Variants in TNIP1 observed in about 807,000 individuals in gnomAD.
The protein encoded by TNIP1 is TNFAIP3-interacting protein 1.
In TNIP1, 22 loss-of-function variants were observed where a neutral mutation model predicts 86.6. The ratio of observed to expected loss-of-function variants is 0.25; its 90% CI spans 0.18 to 0.36. TNIP1 has a LOEUF of 0.36. Among genes scored for constraint, TNIP1 ranks in the 10% least tolerant of loss-of-function variants. TNIP1 has a pLI of 1.00. For missense variants in TNIP1, 709 were observed against 820.6 expected, an observed-to-expected ratio of 0.86 and a Z score of 1.66; for synonymous variants, 294 against 313.0, an observed-to-expected ratio of 0.94 and a Z score of 0.64.
At chr5:151,079,549 G>A (rs1763765969) in intron 1 of TNIP1, among the ~76,000 whole-genome samples, 1 of 151,850 alleles carries the variant, frequency 6.6e-6, no homozygotes, top group South Asian at 2.1e-4. Flanking sequence ...GCTTGAACCT[G>A]GGAGGCAAGT....
rs765510844 is a variant in TNIP1 at position 151,060,329 on chromosome 5, C to A, written c.424G>T (p.Ala142Ser). The A allele has an allele frequency of 6.2e-7, 1 of 1,614,132 alleles. No individual in the cohort carries two copies. Among genetic ancestry groups the A allele is most frequent in the Non-Finnish European group, 8.5e-7 (1 of 1,180,036 alleles). ...EQNSPESSSH[A>S]NAMALGPLPR... ...GCCCGTCCACTCACCATCGCATTGG[C>A]ATGGCTGCTGCTCTCTGGTGAATTC... Residue 142 changes from alanine (A) to serine (S), a missense_variant, in exon 5 of 18, where the codon GCC (alanine) becomes TCC (serine). Ala to Ser is a moderately conservative substitution (Grantham distance 99, BLOSUM62 1). Transcript: ENST00000521591.
rs760868810 is a variant in TNIP1, at chr5:151,059,828, AGT to A, written c.435+488_435+489del. Among the ~76,000 whole-genome samples the A allele has an allele frequency of 2.6e-3, 146 of 56,326 alleles. 1 individual carries two copies. The highest frequency in any genetic ancestry group is 0.011 in the Middle Eastern group (1 of 92). The allele number at this position is 56,326 out of a possible 152,430, so 37.0% of individuals were successfully genotyped here. On this transcript the variant is annotated intron_variant, in intron 5 of 17. Coordinates refer to ENST00000521591, the MANE Select transcript of TNIP1 (RefSeq NM_006058.5). ...GAGAGAGAGAGAGAGAGAGAGAGAG[AGT>A]GTGTGTGTGTGTGTGTGTGTGTGTG...
At chr5:151,052,795 T>G (rs753243182) in intron 6 of TNIP1, among the ~76,000 whole-genome samples, 28 of 152,336 alleles carry the variant, frequency 1.8e-4, no homozygotes, top group Admixed American at 5.9e-4. Flanking sequence ...AATTAATTCC[T>G]GAGCTCCCGG....
At chr5:151,083,834 G>A (rs925772369), upstream of TNIP1, among the ~76,000 whole-genome samples, 3 of 152,108 alleles carry the variant, frequency 2.0e-5, no homozygotes, top group Admixed American at 6.5e-5. Flanking sequence ...CCAGAAGAGG[G>A]GTGGAGGCTG....
intron 9 of TNIP1, 93 bp downstream of exon 9, chr5:151,045,768 C>G (rs1158439871): frequency 1.5e-6 from 2 of 1,294,598 alleles, no homozygotes; most frequent in Non-Finnish European, 2.2e-6. Flanking sequence ...TGACCTGGGA[C>G]CTGCCAGAGC....
chr5:151,061,585 C>T (rs1761576270), intron 4 of TNIP1, among the ~76,000 whole-genome samples: 1 of 152,130 alleles, frequency 6.6e-6, no homozygotes, highest in Non-Finnish European at 1.5e-5. Flanking sequence ...TCAAGCGACC[C>T]TTCTGCCTCA....
chr5:151,037,087 A>G (rs959688990), intron 12 of TNIP1, 166 bp from the exon 13 acceptor site: 56 of 771,896 alleles, frequency 7.3e-5, no homozygotes, highest in African/African-American at 6.5e-4. Context: ...CATTCTACAC[A>G]TATCATTTCA....
intron 2 of TNIP1, 109 bp from the exon 3 acceptor site, chr5:151,063,856 G>C: frequency 7.2e-7 from 1 of 1,389,696 alleles, no homozygotes. Flanking sequence ...GAGGCTCCAG[G>C]CCCTGGACTT....
chr5:151,036,734 G>A, intron 13 of TNIP1, 56 bp downstream of exon 13: 3 of 1,612,192 alleles, frequency 1.9e-6, no homozygotes, highest in Non-Finnish European at 1.7e-6. Flanking sequence ...GGGCCCTCAG[G>A]AAAGCTCCAG....
upstream of TNIP1, among the ~76,000 whole-genome samples, chr5:151,084,585 C>G (rs1024250603): frequency 2.0e-5 from 3 of 152,188 alleles, no homozygotes; most frequent in African/African-American, 7.2e-5. Flanking sequence ...GGACAGAACC[C>G]AAGTATCCTT....
intron 13 of TNIP1, among the ~76,000 whole-genome samples, chr5:151,036,242 G>C (rs866270748): frequency 1.2e-4 from 19 of 152,142 alleles, no homozygotes; most frequent in African/African-American, 4.3e-4. Flanking sequence ...GAGACAATGG[G>C]AGAGCCACAA....
At chr5:151,046,351 T>C (rs1453074526) in intron 8 of TNIP1, 1 of 163,200 alleles carries the variant, frequency 6.1e-6, no homozygotes, top group African/African-American at 2.4e-5. Context: ...GATATACTCA[T>C]TCTATAAAAC....
Position 151,039,201 on chromosome 5 carries a change from C to T in TNIP1, c.1159G>A (p.Glu387Lys), listed in dbSNP as rs1308781309. 1.2e-6 allele frequency: 2 copies of T among 1,613,330 alleles called. No homozygotes were observed. The highest frequency in any genetic ancestry group is 1.7e-6 in the Non-Finnish European group (2 of 1,179,866). Reference protein sequence around the residue: ...EETDKEQLTAEAKELRQKVKY... With the variant: ...EETDKEQLTAKAKELRQKVKY... The stretch of plus-strand genomic sequence containing the variant: ...ACCTTTTGGCGCAGCTCCTTGGCCT[C>T]TGCTGTCAGCTGCTCCTTGTCGGTC... Residue 387 changes from glutamate (E) to lysine (K), a missense_variant, in exon 12 of 18, where the codon GAG (glutamate) becomes AAG (lysine). Coordinates refer to ENST00000521591, the MANE Select transcript of TNIP1 (RefSeq NM_006058.5).
chr5:151,040,115 G>A (rs1758232467), intron 11 of TNIP1, among the ~76,000 whole-genome samples: 1 of 152,210 alleles, frequency 6.6e-6, no homozygotes, highest in African/African-American at 2.4e-5. Flanking sequence ...GAAACTAGGG[G>A]ATGGCAGCAC....
intron 5 of TNIP1, among the ~76,000 whole-genome samples, chr5:151,059,816 AGAGAGAGAGAGAGTGTGTGTGT>A (rs1235612509): frequency 8.3e-5 from 9 of 108,120 alleles, no homozygotes; most frequent in Admixed American, 2.8e-4. Context: ...AGAGAGAGAG[AGAGAGAGAGAGAGTGTGTGTGT>A]GTGTGTGTGT....
chr5:151,069,465 G>A (rs1365346375), intron 1 of TNIP1, among the ~76,000 whole-genome samples: 1 of 152,194 alleles, frequency 6.6e-6, no homozygotes, highest in Non-Finnish European at 1.5e-5. Flanking sequence ...CCTGCCTGAT[G>A]GATAAGGAAA....
rs57701664 is a variant in TNIP1, at chr5:151,049,683, G to GA, written c.846+140dup. On this transcript the variant is annotated intron_variant, in intron 8 of 17. Coordinates refer to ENST00000521591, the MANE Select transcript of TNIP1 (RefSeq NM_006058.5). ...AAGCATGGAGGTCAGGCCAAGTAAA[G>GA]AAAAAAACACGTAACAGCTAGAACC... 8 of 1,075,396 alleles carry GA rather than the reference G, an allele frequency of 7.4e-6. No homozygotes were observed. The African/African-American group carries it at 1.1e-4, about 15-fold the overall frequency. The allele number at this position is 1,075,396 out of a possible 1,614,324, so 66.6% of individuals were successfully genotyped here. A position where few individuals can be genotyped will look rare whatever the true frequency, so the allele number is the denominator to read the frequency against.
At chr5:151,038,122 C>A (rs1025965098) in intron 12 of TNIP1, among the ~76,000 whole-genome samples, 1 of 152,158 alleles carries the variant, frequency 6.6e-6, no homozygotes, top group South Asian at 2.1e-4. Context: ...CAGGACAGAT[C>A]GCGTTTCTTT....
chr5:151,042,627 C>A lies in TNIP1; in HGVS notation c.1047G>T (p.Val349=). The A allele has an allele frequency of 6.2e-7, 1 of 1,614,040 alleles. No individual in the cohort carries two copies. The highest frequency in any genetic ancestry group is 1.1e-5 in the South Asian group (1 of 91,068). The change falls in exon 11 of 18, where the codon GTG becomes GTT. Residue 349 remains valine, a synonymous_variant. Coordinates refer to ENST00000521591, the MANE Select transcript of TNIP1 (RefSeq NM_006058.5). ...RQKLADLQKQ[V]TDLEAEREQK... The stretch of plus-strand genomic sequence containing the variant: ...GCTCCCGCTCGGCCTCCAGGTCAGT[C>A]ACCTGCTTCTGCAAATCAGCCAGCT...
Sources: gnomAD v4.1 joint callset for allele counts (sites outside exome capture counted in the v4.1 genomes callset) on GRCh38, gnomAD v4.1.1 for gene constraint, MANE v1.5 for transcripts, NCBI Gene and HGNC (gene_info 2026-07-23, HGNC 2026-07-21) for gene names.